The following ATOSA variants were observed in gnomAD, a reference collection of about 807,000 sequenced individuals.
The protein encoded by ATOSA is atos homolog A.
chr15:52,593,700 T>C, the ATOSA span: 1 of 1,557,248 alleles, frequency 6.4e-7, no homozygotes, highest in African/African-American at 1.4e-5. Flanking sequence ...CCATCAACAA[T>C]GCCGAGAGGA....
chr15:52,638,433 A>G, the ATOSA span, among the ~76,000 whole-genome samples: 4 of 152,104 alleles, frequency 2.6e-5, no homozygotes, highest in African/African-American at 9.7e-5. Flanking sequence ...TGGGCCGGGC[A>G]CAGTGGCTCC....
the ATOSA span, among the ~76,000 whole-genome samples, chr15:52,663,677 AATGGC>A: frequency 6.6e-6 from 1 of 152,192 alleles, no homozygotes; most frequent in Non-Finnish European, 1.5e-5. Context: ...GCTAGAGTGC[AATGGC>A]TTTATCATAG....
chr15:52,698,095 G>A, the ATOSA span, among the ~76,000 whole-genome samples: 1 of 146,332 alleles, frequency 6.8e-6, no homozygotes, highest in African/African-American at 2.5e-5. Flanking sequence ...TCCTGCCTCA[G>A]CCTCCCGAGT....
chr15:52,678,293 G>T, the ATOSA span: 1 of 593,536 alleles, frequency 1.7e-6, no homozygotes, highest in South Asian at 2.0e-5. Flanking sequence ...CCTCCGGATC[G>T]AGCACCCCCT....
the ATOSA span, among the ~76,000 whole-genome samples, chr15:52,592,150 T>G: frequency 3.9e-5 from 6 of 152,158 alleles, no homozygotes; most frequent in Non-Finnish European, 7.4e-5. Flanking sequence ...TTTTACAGCT[T>G]TTATTAATGA....
chr15:52,697,821 T>C, the ATOSA span, among the ~76,000 whole-genome samples: 2 of 151,876 alleles, frequency 1.3e-5, no homozygotes, highest in African/African-American at 4.8e-5. Context: ...GTCAAAATTA[T>C]GAAATAAAGC....
the ATOSA span, among the ~76,000 whole-genome samples, chr15:52,687,238 C>A: frequency 6.6e-6 from 1 of 152,114 alleles, no homozygotes; most frequent in East Asian, 1.9e-4. Flanking sequence ...ACCCCATCTC[C>A]ACTACAAATA....
At chr15:52,626,061 T>C in the ATOSA span, among the ~76,000 whole-genome samples, 1 of 152,218 alleles carries the variant, frequency 6.6e-6, no homozygotes, top group Admixed American at 6.5e-5. Context: ...TCATAGTGTA[T>C]GCCATATAAG....
chr15:52,587,132 T>C, the ATOSA span: 6 of 1,612,504 alleles, frequency 3.7e-6, no homozygotes, highest in South Asian at 1.1e-5. Flanking sequence ...ATTGCAATTG[T>C]AGGCTATAAA....
chr15:52,702,979 C>T, the ATOSA span, among the ~76,000 whole-genome samples: 66 of 152,134 alleles, frequency 4.3e-4, no homozygotes, highest in Middle Eastern at 3.4e-3. Flanking sequence ...ACTTTATTTG[C>T]AATAGTCTCA....
chr15:52,682,090 G>A, the ATOSA span, among the ~76,000 whole-genome samples: 1 of 152,188 alleles, frequency 6.6e-6, no homozygotes, highest in African/African-American at 2.4e-5. Context: ...GTGCATGCCT[G>A]TAGTCTGCAT....
chr15:52,629,580 C>A, the ATOSA span: 1 of 392,150 alleles, frequency 2.6e-6, no homozygotes, highest in South Asian at 1.7e-5. Flanking sequence ...GAGGAGGGCA[C>A]ATCATGAGCT....
chr15:52,672,302 T>G, the ATOSA span, among the ~76,000 whole-genome samples: 1 of 151,910 alleles, frequency 6.6e-6, no homozygotes, highest in Non-Finnish European at 1.5e-5. Context: ...TGAATTATGA[T>G]TGCATCACTG....
At chr15:52,691,972 T>G in the ATOSA span, among the ~76,000 whole-genome samples, 1 of 152,160 alleles carries the variant, frequency 6.6e-6, no homozygotes, top group East Asian at 1.9e-4. Flanking sequence ...TCATGCCTTT[T>G]TTTTTCCTTA....
At chr15:52,613,681 G>C in the ATOSA span, 102 of 1,613,532 alleles carry the variant, frequency 6.3e-5, no homozygotes, top group Non-Finnish European at 8.4e-5. Flanking sequence ...ACCTGGGCCA[G>C]CTTGTCACTA....
chr15:52,634,700 C>G, the ATOSA span, among the ~76,000 whole-genome samples: 1 of 150,760 alleles, frequency 6.6e-6, no homozygotes, highest in South Asian at 2.1e-4. Flanking sequence ...CTTATGGGTT[C>G]AAGCAATTCT....
chr15:52,623,222 G>A, the ATOSA span, among the ~76,000 whole-genome samples: 4 of 151,892 alleles, frequency 2.6e-5, no homozygotes, highest in African/African-American at 7.2e-5. Flanking sequence ...AAATAGGACA[G>A]AAAGTTTAGA....
the ATOSA span, among the ~76,000 whole-genome samples, chr15:52,635,172 G>A: frequency 6.6e-6 from 1 of 152,110 alleles, no homozygotes; most frequent in African/African-American, 2.4e-5. Context: ...GGAATTTTAA[G>A]GAGAAATAGA....
the ATOSA span, among the ~76,000 whole-genome samples, chr15:52,623,361 G>GA: frequency 3.0e-4 from 45 of 152,050 alleles, no homozygotes; most frequent in Non-Finnish European, 5.6e-4. Flanking sequence ...GGGAAAGAAT[G>GA]AAAGTAGCTA....
Sources: allele counts gnomAD v4.1 joint callset (sites outside exome capture counted in the v4.1 genomes callset), GRCh38; gene constraint gnomAD v4.1.1; transcripts MANE v1.5; gene names NCBI Gene and HGNC (gene_info 2026-07-23, HGNC 2026-07-21).